The following FAM178B variants were observed in gnomAD, a reference collection of about 807,000 sequenced individuals.
The protein encoded by FAM178B is protein FAM178B.
FAM178B carries 82 observed loss-of-function variants against 91.7 expected under a neutral mutation model. The ratio of observed to expected loss-of-function variants is 0.89; its 90% CI spans 0.75 to 1.07. The LOEUF (loss-of-function observed/expected upper bound fraction) is 1.07, where lower values mean the gene tolerates loss of function less well. Ranked by LOEUF, FAM178B falls within the 50% of genes least tolerant of loss-of-function variation. The pLI is 0.00. For missense variants in FAM178B, 769 were observed against 846.7 expected (o/e 0.91, Z 1.14); for synonymous variants, 368 against 359.4 (o/e 1.02, Z -0.27).
intron 15 of FAM178B, 57 bp downstream of exon 15, chr2:96,878,358 TG>T: frequency 6.6e-7 from 1 of 1,520,450 alleles, no homozygotes. Flanking sequence ...CCCCGCCGCT[TG>T]GGGGAGAAGA....
At chr2:96,954,451 G>A (rs2081970576) in intron 6 of FAM178B, among the ~76,000 whole-genome samples, 1 of 152,248 alleles carries the variant, frequency 6.6e-6, no homozygotes, top group African/African-American at 2.4e-5. Context: ...GCCTTCCTAA[G>A]CAGAGCTCTG....
chr2:96,955,346 TA>T (rs981347886), intron 6 of FAM178B, among the ~76,000 whole-genome samples: 6 of 151,974 alleles, frequency 3.9e-5, no homozygotes, highest in Admixed American at 2.6e-4. Context: ...CCGTCTCTAC[TA>T]AAAAATACAA....
intron 3 of FAM178B, 80 bp downstream of exon 3, chr2:96,971,821 G>C: frequency 7.6e-7 from 1 of 1,315,794 alleles, no homozygotes; most frequent in South Asian, 1.7e-5. Flanking sequence ...GCTCAGGAGA[G>C]GGTGGCCTGG....
chr2:96,944,946 A>G (rs2081798203), intron 8 of FAM178B, among the ~76,000 whole-genome samples: 1 of 151,570 alleles, frequency 6.6e-6, no homozygotes, highest in South Asian at 2.1e-4. Context: ...GCCTCCCCAC[A>G]TCCCAAACCT....
intron 4 of FAM178B, among the ~76,000 whole-genome samples, chr2:96,969,196 C>T (rs1362844113): frequency 3.3e-5 from 5 of 152,254 alleles, no homozygotes; most frequent in Admixed American, 2.0e-4. Context: ...TGGTGCAGCA[C>T]ACAGCGTCCT....
At chr2:96,938,432 C>T (rs1408484111) in intron 8 of FAM178B, among the ~76,000 whole-genome samples, 1 of 152,164 alleles carries the variant, frequency 6.6e-6, no homozygotes. Flanking sequence ...TGGGGTAAAG[C>T]ATGCATGCCT....
intron 6 of FAM178B, among the ~76,000 whole-genome samples, chr2:96,957,963 T>C (rs2082023463): frequency 6.6e-6 from 1 of 152,184 alleles, no homozygotes. Flanking sequence ...GAGAAAATGG[T>C]TAAATATGTT....
At chr2:96,951,741 G>A (rs1053027815) in intron 6 of FAM178B, 2 of 402,792 alleles carry the variant, frequency 5.0e-6, no homozygotes, top group African/African-American at 2.1e-5. Flanking sequence ...CATGGCGGGT[G>A]GCTGGAGGCA....
chr2:96,880,214 G>A (rs1280217764), intron 14 of FAM178B, among the ~76,000 whole-genome samples: 3 of 152,180 alleles, frequency 2.0e-5, no homozygotes, highest in Non-Finnish European at 4.4e-5. Flanking sequence ...AAGCTGAAGT[G>A]GGCCTCAAAG....
chr2:96,922,142 C>T (rs1041480759), intron 10 of FAM178B, among the ~76,000 whole-genome samples: 2 of 152,108 alleles, frequency 1.3e-5, no homozygotes, highest in East Asian at 1.9e-4. Context: ...CCACCAGTAC[C>T]ATAACAGTTT....
At chr2:96,887,215 AAACAAC>A (rs36102912) in intron 14 of FAM178B, among the ~76,000 whole-genome samples, 5 of 150,948 alleles carry the variant, frequency 3.3e-5, no homozygotes, top group East Asian at 2.0e-4. Flanking sequence ...ACTCTATCTC[AAACAAC>A]AACAACAACA....
chr2:96,907,247 A>G (rs1195719757), intron 12 of FAM178B, among the ~76,000 whole-genome samples: 2 of 152,094 alleles, frequency 1.3e-5, no homozygotes, highest in Non-Finnish European at 2.9e-5. Context: ...CACAGCAAGG[A>G]GGGGGCAGGG....
rs772799753 is a variant in FAM178B at position 96,877,924 on chromosome 2, C to A, written c.1973G>T (p.Arg658Leu). 1.2e-6 allele frequency: 2 copies of A among 1,613,730 alleles called. No homozygotes were observed. Among genetic ancestry groups the A allele is most frequent in the Non-Finnish European group, 1.7e-6 (2 of 1,180,002 alleles). The part of the protein sequence containing the change: ...LKDLATQTYI[R>L]WQELLTHCQP... ...GCAGTGGGTCAGCAGCTCCTGCCAA[C>A]GGATGTAGGTCTGGGTAGCCAGGTC... The change falls in exon 16 of 17, where the codon CGT becomes CTT. Residue 658 changes from arginine to leucine, a missense_variant. By Grantham distance (102) the Arg-to-Leu change is moderately radical (BLOSUM62 -2). Transcript: ENST00000490605.
Position 96,972,064 on chromosome 2 carries a change from C to CACCT in FAM178B, c.397_400dup (p.Trp134Ter), listed in dbSNP as rs2082227607. On this transcript the variant is annotated stop_gained and frameshift_variant, in exon 3 of 17. Coordinates refer to ENST00000490605, the MANE Select transcript of FAM178B (RefSeq NM_001122646.3). LOFTEE classifies it high-confidence loss of function. ...GCCCTGGGGGCCCACCACACCCACC[C>CACCT]ACCTCTGGGCCGGGGCCTCCCGACT... 6.5e-7 allele frequency: 1 copy of CACCT among 1,545,186 alleles called. No homozygotes were observed. The highest frequency in any genetic ancestry group is 8.7e-7 in the Non-Finnish European group (1 of 1,144,446).
At chr2:96,950,918 T>C (rs750118050) in intron 7 of FAM178B, among the ~76,000 whole-genome samples, 2 of 152,130 alleles carry the variant, frequency 1.3e-5, no homozygotes, top group Non-Finnish European at 2.9e-5. Flanking sequence ...AGGATTGCCG[T>C]GGGCCCTGAA....
At chr2:96,888,110 C>T (rs2080574066) in intron 14 of FAM178B, among the ~76,000 whole-genome samples, 1 of 152,258 alleles carries the variant, frequency 6.6e-6, no homozygotes. Context: ...TGGCCTGTCC[C>T]CAGATCTGTA....
intron 13 of FAM178B, among the ~76,000 whole-genome samples, chr2:96,895,707 C>T (rs2080808617): frequency 6.6e-6 from 1 of 152,224 alleles, no homozygotes; most frequent in African/African-American, 2.4e-5. Flanking sequence ...TTCACAAAAG[C>T]ACCATCTCTT....
chr2:96,902,597 C>T, intron 13 of FAM178B, 23 bp downstream of exon 13: 1 of 1,529,322 alleles, frequency 6.5e-7, no homozygotes, highest in African/African-American at 1.4e-5. Context: ...GCCTTCCTGC[C>T]CAGGCCTGAA....
intron 1 of FAM178B, among the ~76,000 whole-genome samples, chr2:96,981,740 CAAAAA>C (rs377081384): frequency 5.3e-5 from 1 of 18,718 alleles, no homozygotes; most frequent in African/African-American, 1.5e-4. Context: ...GACTCCGTCT[CAAAAA>C]AAAAAAAAAA....
Sources: allele counts gnomAD v4.1 joint callset (sites outside exome capture counted in the v4.1 genomes callset), GRCh38; gene constraint gnomAD v4.1.1; transcripts MANE v1.5; gene names NCBI Gene and HGNC (gene_info 2026-07-23, HGNC 2026-07-21).